Variants in XRCC5 observed in about 807,000 individuals in gnomAD.
XRCC5 encodes the protein X-ray repair cross complementing 5.
Under a neutral mutation model 95.7 loss-of-function variants are expected in XRCC5, and 12 were observed. That is an observed-to-expected ratio of 0.13 (90% CI 0.08 to 0.20). The LOEUF is 0.20. Among genes scored for constraint, XRCC5 ranks in the 10% least tolerant of loss-of-function variants. The pLI is 1.00. For synonymous variants in XRCC5, 281 were observed against 290.3 expected (o/e 0.97, Z 0.33); for missense variants, 595 against 873.9 (o/e 0.68, Z 4.02).
chr2:216,117,351 G>A (rs1161635786), intron 3 of XRCC5: 1 of 203,072 alleles, frequency 4.9e-6, no homozygotes, highest in East Asian at 1.2e-4. Flanking sequence ...TAATCAGTTA[G>A]TAGTGCTATT....
At chr2:216,168,428 A>G (rs1393494286) in intron 16 of XRCC5, among the ~76,000 whole-genome samples, 1 of 152,228 alleles carries the variant, frequency 6.6e-6, no homozygotes, top group Non-Finnish European at 1.5e-5. Flanking sequence ...AAAAGAAAAA[A>G]TAAAAAGCAC....
intron 16 of XRCC5, among the ~76,000 whole-genome samples, chr2:216,185,701 A>G (rs1385293728): frequency 6.9e-6 from 1 of 145,254 alleles, no homozygotes; most frequent in Non-Finnish European, 1.5e-5. Flanking sequence ...TTTGAGATGG[A>G]ATCTCACTCT....
intron 16 of XRCC5, among the ~76,000 whole-genome samples, chr2:216,172,427 C>T (rs1352368449): frequency 6.7e-6 from 1 of 149,214 alleles, no homozygotes; most frequent in Admixed American, 6.7e-5. Flanking sequence ...TACTCTATGT[C>T]ATTTGCGTTT....
intron 15 of XRCC5, among the ~76,000 whole-genome samples, chr2:216,160,431 T>C (rs1284567340): frequency 6.6e-6 from 1 of 152,214 alleles, no homozygotes; most frequent in Non-Finnish European, 1.5e-5. Context: ...GAGATTTTGC[T>C]GTTGGCATTA....
chr2:216,141,052 A>G, intron 12 of XRCC5, 134 bp from the exon 13 acceptor site: 2 of 982,526 alleles, frequency 2.0e-6, no homozygotes. Flanking sequence ...ATACGTGCAT[A>G]GCTAGAGAAT....
At chr2:216,162,766 A>G (rs1688976486) in intron 16 of XRCC5, among the ~76,000 whole-genome samples, 1 of 152,194 alleles carries the variant, frequency 6.6e-6, no homozygotes, top group Admixed American at 6.5e-5. Context: ...TAGTAGACCT[A>G]GAAAGACCTT....
chr2:216,160,564 A>T (rs1461713295), intron 15 of XRCC5, among the ~76,000 whole-genome samples: 1 of 152,180 alleles, frequency 6.6e-6, no homozygotes, highest in Non-Finnish European at 1.5e-5. Flanking sequence ...ATGCAACTTT[A>T]GAACAGGATT....
chr2:216,192,752 CTT>C lies in XRCC5; in HGVS notation c.2041+25_2041+26del. 1 of 1,503,796 alleles carries C rather than the reference CTT, an allele frequency of 6.6e-7. No homozygotes were observed. The allele number at this position is 1,503,796 out of a possible 1,614,324, so 93.2% of individuals were successfully genotyped here. On this transcript the variant is annotated intron_variant, in intron 18 of 20. Coordinates refer to ENST00000392132, the MANE Select transcript of XRCC5 (RefSeq NM_021141.4). Reference sequence around the variant, plus strand: ...TTGTCCAGGGTAAGTTGTCATTTGCCTTTTTTTTTAAAAAGTATTTTTAAAAT... The same window carrying C: ...TTGTCCAGGGTAAGTTGTCATTTGCCTTTTTTTAAAAAGTATTTTTAAAAT...
At chr2:216,199,808 A>ATTTTTTTTTTTTTTTTTTTT (rs879564899) in intron 19 of XRCC5, among the ~76,000 whole-genome samples, 1 of 121,890 alleles carries the variant, frequency 8.2e-6, no homozygotes, top group Non-Finnish European at 1.6e-5. Flanking sequence ...TGGCATTGGG[A>ATTTTTTTTTTTTTTTTTTTT]TCTTTTTTTT....
chr2:216,132,984 G>A (rs773003772), intron 10 of XRCC5, among the ~76,000 whole-genome samples: 2 of 152,140 alleles, frequency 1.3e-5, no homozygotes, highest in Non-Finnish European at 2.9e-5. Context: ...AGCTCAAGCA[G>A]GTTTCCAAGT....
Position 216,109,433 on chromosome 2 carries a change from C to T in XRCC5, c.-4C>T. ...AGCGACCAAAGCGCCTGAGGACCGG[C>T]AACATGGTGCGGTCGGGGAATAAGG... On this transcript the variant is annotated 5_prime_UTR_variant, in exon 1 of 21. Transcript: ENST00000392132. The T allele has an allele frequency of 6.2e-7, 1 of 1,614,018 alleles. No individual in the cohort carries two copies. The highest frequency in any genetic ancestry group is 1.1e-5 in the South Asian group (1 of 91,064).
Position 216,205,359 on chromosome 2 carries a change from A to G in XRCC5, c.*157A>G, listed in dbSNP as rs536737147. ...GGATCATCTAATTCTCTGTGGAATG[A>G]ATACACACATATATATTACAAGGGA... On this transcript the variant is annotated 3_prime_UTR_variant, in exon 21 of 21. Transcript: ENST00000392132. 1.6e-5 allele frequency: 13 copies of G among 790,020 alleles called. No homozygotes were observed. In the East Asian group the frequency reaches 2.9e-4, roughly 18 times the overall value. The allele number at this position is 790,020 out of a possible 1,614,324, so 48.9% of individuals were successfully genotyped here. A position where few individuals can be genotyped will look rare whatever the true frequency, so the allele number is the denominator to read the frequency against.
At chr2:216,140,893 A>G (rs1226767942) in intron 12 of XRCC5, among the ~76,000 whole-genome samples, 1 of 152,156 alleles carries the variant, frequency 6.6e-6, no homozygotes, top group African/African-American at 2.4e-5. Context: ...ATTGGTTTTT[A>G]TATGGCTGTA....
chr2:216,120,374 G>A (rs1265487295), intron 5 of XRCC5, among the ~76,000 whole-genome samples: 1 of 152,184 alleles, frequency 6.6e-6, no homozygotes, highest in East Asian at 1.9e-4. Context: ...AGAAGAGGAA[G>A]CATAGCCTTT....
intron 13 of XRCC5, among the ~76,000 whole-genome samples, chr2:216,146,137 G>C (rs1688627906): frequency 6.6e-6 from 1 of 152,108 alleles, no homozygotes; most frequent in Non-Finnish European, 1.5e-5. Flanking sequence ...CAAGTAATTA[G>C]GAAAGAAGAA....
At chr2:216,192,761 T>TA (rs34964407) in intron 18 of XRCC5, 26 bp downstream of exon 18, 11 of 1,449,914 alleles carry the variant, frequency 7.6e-6, no homozygotes, top group Non-Finnish European at 9.3e-6. Flanking sequence ...CCTTTTTTTT[T>TA]AAAAAGTATT....
intron 16 of XRCC5, among the ~76,000 whole-genome samples, chr2:216,189,522 G>T (rs1291338803): frequency 6.6e-6 from 1 of 152,190 alleles, no homozygotes; most frequent in Non-Finnish European, 1.5e-5. Context: ...CTTTGGAAAT[G>T]ATAACACTAT....
intron 16 of XRCC5, among the ~76,000 whole-genome samples, chr2:216,174,107 C>T (rs911712639): frequency 1.3e-5 from 2 of 152,134 alleles, no homozygotes; most frequent in African/African-American, 4.8e-5. Flanking sequence ...TTACATATTT[C>T]ATATAATTTA....
At chr2:216,149,004 CT>C (rs922940930) in intron 14 of XRCC5, among the ~76,000 whole-genome samples, 3 of 152,052 alleles carry the variant, frequency 2.0e-5, no homozygotes, top group Admixed American at 2.0e-4. Context: ...TTATTGGTGA[CT>C]TTTTTTTCTC....
Sources: allele counts gnomAD v4.1 joint callset (sites outside exome capture counted in the v4.1 genomes callset), GRCh38; gene constraint gnomAD v4.1.1; transcripts MANE v1.5; gene names NCBI Gene and HGNC (gene_info 2026-07-23, HGNC 2026-07-21).